Variants in GAB1 observed in about 807,000 individuals in gnomAD.
The protein encoded by GAB1 is GRB2 associated binding protein 1.
GAB1 carries 19 observed loss-of-function variants against 66.5 expected under a neutral mutation model. The ratio of observed to expected loss-of-function variants is 0.29; its 90% confidence interval spans 0.20 to 0.42. GAB1 has a LOEUF of 0.42. GAB1 is among the 10% of genes least tolerant of loss of function. The pLI is 1.00. For synonymous variants in GAB1, 294 were observed against 301.4 expected (o/e 0.98, Z 0.25); for missense variants, 732 against 858.5 (o/e 0.85, Z 1.84).
At chr4:143,453,511 A>T (rs1418439415) in intron 6 of GAB1, among the ~76,000 whole-genome samples, 4 of 152,172 alleles carry the variant, frequency 2.6e-5, no homozygotes, top group Non-Finnish European at 5.9e-5. Context: ...TGTCTTCATC[A>T]TTACAATCAC....
intron 2 of GAB1, chr4:143,425,138 T>C: frequency 3.7e-6 from 3 of 819,728 alleles, no homozygotes; most frequent in Middle Eastern, 2.2e-4. Context: ...GCACCAGTCT[T>C]GACTTCCAGA....
chr4:143,339,498 G>A (rs1333189903), intron 1 of GAB1, among the ~76,000 whole-genome samples: 2 of 152,230 alleles, frequency 1.3e-5, no homozygotes, highest in Non-Finnish European at 2.9e-5. Flanking sequence ...ATGACAGGGT[G>A]AGACTCCGTC....
intron 6 of GAB1, among the ~76,000 whole-genome samples, chr4:143,455,559 A>G (rs747931954): frequency 6.6e-6 from 1 of 152,226 alleles, no homozygotes; most frequent in Non-Finnish European, 1.5e-5. Flanking sequence ...GGAGGAGTGC[A>G]TCTCACATAC....
chr4:143,453,315 T>G (rs59727559), intron 6 of GAB1, among the ~76,000 whole-genome samples: 69,106 of 151,900 alleles, frequency 0.45, 19,003 homozygotes, highest in African/African-American at 0.78. Flanking sequence ...ATATCATATT[T>G]TTCTAATACG....
At chr4:143,466,524 C>G (rs1027434000) in intron 9 of GAB1, among the ~76,000 whole-genome samples, 1 of 101,836 alleles carries the variant, frequency 9.8e-6, no homozygotes, top group African/African-American at 3.9e-5. Context: ...GAGTCTTGCT[C>G]TGTTGCCCAG....
At chr4:143,434,043 T>A in intron 3 of GAB1, 1 of 1,045,242 alleles carries the variant, frequency 9.6e-7, no homozygotes, top group Non-Finnish European at 1.3e-6. Context: ...TTCACTGATT[T>A]ATAAATGGTG....
chr4:143,395,737 G>T (rs1731415704), intron 1 of GAB1: 14 of 334,666 alleles, frequency 4.2e-5, no homozygotes, highest in South Asian at 2.7e-4. Flanking sequence ...TTTAAATGAG[G>T]TGAATTATAG....
At chr4:143,430,911 C>T (rs979525227) in intron 2 of GAB1, among the ~76,000 whole-genome samples, 5 of 152,092 alleles carry the variant, frequency 3.3e-5, no homozygotes, top group African/African-American at 1.2e-4. Context: ...ATCCTTTAAC[C>T]CCAGGCAAAA....
At chr4:143,453,120 TTAA>T (rs1290221896) in intron 6 of GAB1, among the ~76,000 whole-genome samples, 2 of 152,280 alleles carry the variant, frequency 1.3e-5, no homozygotes, top group Admixed American at 1.3e-4. Flanking sequence ...GTCTGGAACA[TTAA>T]TGTCAAATTG....
At chr4:143,362,556 C>T (rs1168144812) in intron 1 of GAB1, among the ~76,000 whole-genome samples, 2 of 152,192 alleles carry the variant, frequency 1.3e-5, no homozygotes, top group Non-Finnish European at 2.9e-5. Context: ...CTGACAGTTT[C>T]TCCCCCTTTT....
At chr4:143,417,809 T>G (rs1732776899) in intron 2 of GAB1, among the ~76,000 whole-genome samples, 2 of 152,208 alleles carry the variant, frequency 1.3e-5, no homozygotes, top group Non-Finnish European at 2.9e-5. Context: ...CAAAGTAGTT[T>G]TGTAGAGCCA....
intron 1 of GAB1, among the ~76,000 whole-genome samples, chr4:143,381,594 A>G (rs1474967560): frequency 2.0e-5 from 3 of 152,242 alleles, no homozygotes; most frequent in Non-Finnish European, 4.4e-5. Context: ...TTGGAGATCA[A>G]GTACCTTAAT....
chr4:143,449,592 A>T (rs1734786791), intron 6 of GAB1, among the ~76,000 whole-genome samples: 2 of 152,068 alleles, frequency 1.3e-5, no homozygotes, highest in Admixed American at 1.3e-4. Context: ...AGTCTGTTTT[A>T]TCTGAGACTA....
At chr4:143,345,319 C>T (rs564806614) in intron 1 of GAB1, among the ~76,000 whole-genome samples, 2 of 152,214 alleles carry the variant, frequency 1.3e-5, no homozygotes, top group East Asian at 3.9e-4. Context: ...ACTTTGAATT[C>T]ATACTTGGCC....
chr4:143,437,284 G>A (rs753896182), intron 3 of GAB1, among the ~76,000 whole-genome samples: 8 of 152,132 alleles, frequency 5.3e-5, no homozygotes, highest in Admixed American at 2.0e-4. Context: ...TCATCTTGTC[G>A]TATACCCAAA....
chr4:143,443,080 G>A (rs566853803), intron 6 of GAB1, among the ~76,000 whole-genome samples: 4 of 148,158 alleles, frequency 2.7e-5, no homozygotes, highest in South Asian at 2.1e-4. Context: ...GCAGTGGCGC[G>A]ATCTCGGCTC....
In GAB1 at chr4:143,470,689, G is replaced by C. The variant is rs558589249; in HGVS notation, c.*1500G>C. On this transcript the variant is annotated 3_prime_UTR_variant, in exon 10 of 10. Coordinates refer to ENST00000262994, the MANE Select transcript of GAB1 (RefSeq NM_002039.4). ...AGACTTATAACAATTTTTGGAGGGG[G>C]CATAGAGAAAGGAGTGCCCACAGTT... 6 of 152,304 alleles carry C rather than the reference G, an allele frequency of 3.9e-5. No homozygotes were observed. Among genetic ancestry groups the C allele is most frequent in the Admixed American group, 3.9e-4 (6 of 15,294 alleles). The allele number at this position is 152,304 out of a possible 1,614,324, so 9.4% of individuals were successfully genotyped here.
At chr4:143,423,911 A>G (rs191364455) in intron 2 of GAB1, among the ~76,000 whole-genome samples, 7 of 147,318 alleles carry the variant, frequency 4.8e-5, no homozygotes, top group Non-Finnish European at 1.0e-4. Flanking sequence ...CTCTTTTCAG[A>G]AAATTGAGAG....
chr4:143,407,577 T>G (rs1351324131), intron 1 of GAB1, among the ~76,000 whole-genome samples: 7 of 152,234 alleles, frequency 4.6e-5, no homozygotes, highest in Non-Finnish European at 7.3e-5. Context: ...TGTATTCTTT[T>G]GTTTATATTA....
Sources: gnomAD v4.1 joint callset for allele counts (sites outside exome capture counted in the v4.1 genomes callset) on GRCh38, gnomAD v4.1.1 for gene constraint, MANE v1.5 for transcripts, NCBI Gene and HGNC (gene_info 2026-07-23, HGNC 2026-07-21) for gene names.